The following DIS3L2 variants were observed in gnomAD, a reference collection of about 807,000 sequenced individuals.
The protein encoded by DIS3L2 is DIS3 like 3'-5' exoribonuclease 2.
DIS3L2 carries 34 observed loss-of-function variants against 97.5 expected under a neutral mutation model. That is an observed-to-expected ratio of 0.35 (90% CI 0.27 to 0.46). The LOEUF is 0.46. DIS3L2 is among the 20% of genes least tolerant of loss of function. The pLI is 1.00. For synonymous variants in DIS3L2, 435 were observed against 445.2 expected, an observed-to-expected ratio of 0.98 and a Z score of 0.29; for missense variants, 1,038 against 1,146.0, an observed-to-expected ratio of 0.91 and a Z score of 1.36.
chr2:232,118,418 C>T (rs949096100), intron 6 of DIS3L2, among the ~76,000 whole-genome samples: 1 of 152,106 alleles, frequency 6.6e-6, no homozygotes, highest in Non-Finnish European at 1.5e-5. Flanking sequence ...TGATCTTTTC[C>T]TTTTGTGAGT....
chr2:232,132,707 G>A (rs182917234), intron 7 of DIS3L2, among the ~76,000 whole-genome samples: 70 of 152,224 alleles, frequency 4.6e-4, no homozygotes, highest in Admixed American at 2.9e-3. Flanking sequence ...CCTAATGACC[G>A]TAAGTGGTTA....
At chr2:232,019,357 G>T (rs1350215183) in intron 3 of DIS3L2, among the ~76,000 whole-genome samples, 2 of 152,070 alleles carry the variant, frequency 1.3e-5, no homozygotes, top group East Asian at 1.9e-4. Context: ...TTTAAGACCA[G>T]CCTGGGCAAC....
intron 8 of DIS3L2, among the ~76,000 whole-genome samples, chr2:232,154,905 G>A (rs1166409385): frequency 1.6e-5 from 1 of 63,640 alleles, no homozygotes; most frequent in African/African-American, 7.1e-5. Flanking sequence ...TAGTCTCGTG[G>A]TGCGCCGTTT....
At chr2:232,297,290 C>T (rs932289068) in intron 13 of DIS3L2, among the ~76,000 whole-genome samples, 1 of 152,208 alleles carries the variant, frequency 6.6e-6, no homozygotes, top group Admixed American at 6.5e-5. Flanking sequence ...CACACTCCTA[C>T]GTGCAGCCTG....
intron 5 of DIS3L2, among the ~76,000 whole-genome samples, chr2:232,082,947 A>G (rs1444964086): frequency 6.6e-6 from 1 of 152,158 alleles, no homozygotes; most frequent in Non-Finnish European, 1.5e-5. Context: ...AGAAGGTGAA[A>G]GGCACATTTC....
chr2:232,168,500 C>G (rs1197118643), intron 9 of DIS3L2, among the ~76,000 whole-genome samples: 1 of 33,542 alleles, frequency 3.0e-5, no homozygotes, highest in Non-Finnish European at 5.4e-5. Flanking sequence ...TTTTTTTAGC[C>G]AGTTGCCTTT....
chr2:231,973,538 T>A (rs1467594492), intron 1 of DIS3L2, among the ~76,000 whole-genome samples: 2 of 152,144 alleles, frequency 1.3e-5, no homozygotes, highest in Non-Finnish European at 2.9e-5. Context: ...AAATAAAGCT[T>A]TATTTATTTA....
chr2:232,189,127 C>T (rs1483319090), intron 9 of DIS3L2, among the ~76,000 whole-genome samples: 1 of 152,196 alleles, frequency 6.6e-6, no homozygotes. Context: ...ATCACTCAAA[C>T]GTTGCCGGTG....
intron 5 of DIS3L2, among the ~76,000 whole-genome samples, chr2:232,048,704 C>T (rs1695314336): frequency 6.6e-6 from 1 of 151,104 alleles, no homozygotes; most frequent in Non-Finnish European, 1.5e-5. Flanking sequence ...GCACTCCAGC[C>T]TGGGCGATAG....
intron 1 of DIS3L2, among the ~76,000 whole-genome samples, chr2:231,973,363 G>A (rs557348332): frequency 3.0e-4 from 46 of 152,142 alleles, no homozygotes; most frequent in Non-Finnish European, 5.1e-4. Context: ...AGAAACAAAT[G>A]AGCTGGACAT....
intron 13 of DIS3L2, among the ~76,000 whole-genome samples, chr2:232,298,762 C>T (rs1694783524): frequency 6.6e-6 from 1 of 152,184 alleles, no homozygotes; most frequent in Non-Finnish European, 1.5e-5. Context: ...TTTAAAAACC[C>T]AGTGAATTTA....
intron 9 of DIS3L2, among the ~76,000 whole-genome samples, chr2:232,197,266 C>T (rs1691779844): frequency 6.6e-6 from 1 of 152,144 alleles, no homozygotes; most frequent in South Asian, 2.1e-4. Context: ...CAGATAAAGT[C>T]ATATTAAAAT....
intron 11 of DIS3L2, among the ~76,000 whole-genome samples, chr2:232,242,429 G>C (rs538979364): frequency 1.2e-4 from 19 of 152,310 alleles, no homozygotes; most frequent in African/African-American, 4.6e-4. Flanking sequence ...TCTCCAGGTA[G>C]TGGAGAAGCC....
intron 7 of DIS3L2, among the ~76,000 whole-genome samples, chr2:232,132,117 CT>C (rs1184899860): frequency 6.6e-6 from 1 of 152,090 alleles, no homozygotes; most frequent in Non-Finnish European, 1.5e-5. Context: ...AACCTGTGTT[CT>C]TTGATTTGCT....
chr2:232,106,159 A>G (rs1697352937), intron 6 of DIS3L2, among the ~76,000 whole-genome samples: 2 of 152,162 alleles, frequency 1.3e-5, no homozygotes, highest in Admixed American at 6.5e-5. Context: ...ATGACAAGGT[A>G]TTGACTCAGG....
chr2:232,112,202 A>C (rs1697556422), intron 6 of DIS3L2, among the ~76,000 whole-genome samples: 1 of 152,014 alleles, frequency 6.6e-6, no homozygotes. Context: ...CTCTAGTTCC[A>C]CTCTGCTGCT....
intron 9 of DIS3L2, among the ~76,000 whole-genome samples, chr2:232,194,656 A>G (rs1430414513): frequency 6.6e-6 from 1 of 152,224 alleles, no homozygotes; most frequent in Admixed American, 6.5e-5. Flanking sequence ...AAGGCAGGAA[A>G]GAAAGAGAGG....
At chr2:232,108,066 A>G (rs1697406341) in intron 6 of DIS3L2, among the ~76,000 whole-genome samples, 2 of 152,206 alleles carry the variant, frequency 1.3e-5, no homozygotes, top group African/African-American at 4.8e-5. Context: ...AAAACCTGGC[A>G]GAGTTAAATC....
At chr2:231,987,789 A>G (rs550667055) in intron 1 of DIS3L2, among the ~76,000 whole-genome samples, 1 of 152,180 alleles carries the variant, frequency 6.6e-6, no homozygotes, top group Admixed American at 6.5e-5. Context: ...CAGGTCTGTC[A>G]TAGTTGTACT....
Sources: gnomAD v4.1 joint callset for allele counts (sites outside exome capture counted in the v4.1 genomes callset) on GRCh38, gnomAD v4.1.1 for gene constraint, MANE v1.5 for transcripts, NCBI Gene and HGNC (gene_info 2026-07-23, HGNC 2026-07-21) for gene names.